The following EIF2D variants were observed in gnomAD, a reference collection of about 807,000 sequenced individuals.
EIF2D encodes the protein hepatocellular carcinoma-associated antigen 56.
Under a neutral mutation model 77.4 loss-of-function variants are expected in EIF2D, and 56 were observed. The ratio of observed to expected loss-of-function variants is 0.72; its 90% CI spans 0.58 to 0.90. EIF2D has a LOEUF of 0.90. EIF2D is among the 40% of genes least tolerant of loss of function. The probability of loss-of-function intolerance (pLI) is 0.00; values close to 1 mark genes in which losing one functional copy is unlikely to be tolerated. For synonymous variants in EIF2D, 230 were observed against 271.0 expected (o/e 0.85, Z 1.49); for missense variants, 574 against 706.5 (o/e 0.81, Z 2.13).
intron 4 of EIF2D, among the ~76,000 whole-genome samples, chr1:206,575,967 G>T (rs564978550): frequency 2.1e-4 from 32 of 152,326 alleles, no homozygotes; most frequent in Admixed American, 1.7e-3. Flanking sequence ...TCTGGCCTGA[G>T]ACTCCCCAGG....
chr1:206,583,482 C>T, intron 2 of EIF2D: 1 of 803,088 alleles, frequency 1.2e-6, no homozygotes, highest in Non-Finnish European at 2.1e-6. Flanking sequence ...CCTGGCAGGT[C>T]CCCTCCCTTT....
At chr1:206,610,370 G>A (rs1239888916) in intron 2 of EIF2D, among the ~76,000 whole-genome samples, 7 of 152,140 alleles carry the variant, frequency 4.6e-5, no homozygotes, top group Middle Eastern at 3.4e-3. Context: ...AATTTTAAAC[G>A]TAGCCAGACA....
chr1:206,608,176 C>A, intron 4 of EIF2D, 60 bp downstream of exon 4: 1 of 1,500,896 alleles, frequency 6.7e-7, no homozygotes, highest in Non-Finnish European at 9.2e-7. Context: ...TTGTCATTCC[C>A]CTCCAACTTC....
chr1:206,603,408 T>C, intron 5 of EIF2D: 1 of 584,718 alleles, frequency 1.7e-6, no homozygotes, highest in South Asian at 2.6e-5. Flanking sequence ...TTTCTTCATC[T>C]CTGAAATGGG....
chr1:206,602,606 G>A (rs373424923), intron 6 of EIF2D, 153 bp from the exon 7 acceptor site: 4 of 704,908 alleles, frequency 5.7e-6, no homozygotes, highest in Middle Eastern at 2.9e-4. Context: ...CTTGAGCACT[G>A]AGCCTTTAAA....
chr1:206,590,583 C>T (rs1203768076), downstream of EIF2D, among the ~76,000 whole-genome samples: 3 of 152,154 alleles, frequency 2.0e-5, no homozygotes, highest in African/African-American at 4.8e-5. Flanking sequence ...TTCATATGCT[C>T]ATGCCGGTAG....
intron 4 of EIF2D, among the ~76,000 whole-genome samples, chr1:206,580,407 T>C (rs1572364927): frequency 6.6e-6 from 1 of 152,200 alleles, no homozygotes; most frequent in South Asian, 2.1e-4. Context: ...TGAGGAGCAA[T>C]AGCCTACATG....
chr1:206,585,391 C>G (rs565715370), intron 2 of EIF2D: 1 of 856,652 alleles, frequency 1.2e-6, no homozygotes, highest in Non-Finnish European at 2.0e-6. Context: ...GTGGGAGCCA[C>G]GCAGCACGGG....
chr1:206,570,547 A>C, downstream of EIF2D, among the ~76,000 whole-genome samples: 1 of 147,896 alleles, frequency 6.8e-6, no homozygotes, highest in Non-Finnish European at 1.5e-5. Context: ...ATTAAACAGT[A>C]ACTCACTATT....
Position 206,575,046 on chromosome 1 carries a change from A to G in EIF2D, c.*255-2347T>C, listed in dbSNP as rs1293018431. Among the ~76,000 whole-genome samples the G allele has an allele frequency of 4.7e-5, 7 of 148,894 alleles. No homozygotes were observed. The East Asian group carries it at 1.4e-3, about 29-fold the overall frequency. On this transcript the variant is annotated intron_variant and NMD_transcript_variant, in intron 4 of 5. Transcript: ENST00000472709. Reference sequence around the variant, plus strand: ...TGTTTTTGTTTTTGTTTTTTTTTTTAGAAGAGACAGGGTTTCATTATGTTG... The same window carrying G: ...TGTTTTTGTTTTTGTTTTTTTTTTTGGAAGAGACAGGGTTTCATTATGTTG...
chr1:206,576,371 C>T (rs947101105), intron 4 of EIF2D, among the ~76,000 whole-genome samples: 5 of 152,206 alleles, frequency 3.3e-5, no homozygotes, highest in Non-Finnish European at 5.9e-5. Context: ...GTGAGCCTAG[C>T]TGTCTACCTC....
rs1179458030 is a variant in EIF2D, at chr1:206,592,211, T to C, written c.1685-366A>G. On this transcript the variant is annotated intron_variant, in intron 14 of 14. Transcript: ENST00000271764. The surrounding 1 kb of genome is among the most constrained non-coding windows in gnomAD (Gnocchi z 4.7). ...TACTGCCATAGGCCATGGAATACAT[T>C]TGCCTAAATGAGCACTTACTATCCG... Among the ~76,000 whole-genome samples, 1 of 152,218 alleles carries C rather than the reference T, an allele frequency of 6.6e-6. No individual in the cohort carries two copies. The highest frequency in any genetic ancestry group is 1.5e-5 in the Non-Finnish European group (1 of 68,038).
At chr1:206,578,030 C>G (rs2103561489) in intron 4 of EIF2D, among the ~76,000 whole-genome samples, 1 of 151,984 alleles carries the variant, frequency 6.6e-6, no homozygotes, top group East Asian at 1.9e-4. Flanking sequence ...TGAGACCAGC[C>G]TGGGCAACAT....
intron 2 of EIF2D, among the ~76,000 whole-genome samples, chr1:206,581,327 G>A (rs1553406271): frequency 1.3e-5 from 2 of 152,310 alleles, no homozygotes; most frequent in African/African-American, 2.4e-5. Flanking sequence ...GCTGGGTGCG[G>A]TGGCTCACAC....
rs144335994 is a variant in EIF2D, at chr1:206,583,299, C to T, written c.139-2137G>A. The T allele has an allele frequency of 7.7e-5, 124 of 1,613,466 alleles. No homozygotes were observed. The highest frequency in any genetic ancestry group is 3.5e-4 in the South Asian group (32 of 91,068). On this transcript the variant is annotated intron_variant and NMD_transcript_variant, in intron 2 of 5. Transcript: ENST00000472709. ...CTGTAAACCTGTGGAGGAGACACAG[C>T]GCCCGCCCACACTGCAGGAGATCAA...
In EIF2D at chr1:206,597,095, G is replaced by A. The variant is rs533906408; in HGVS notation, c.1388+5C>T. 53 of 1,612,952 alleles carry A rather than the reference G, an allele frequency of 3.3e-5. No individual in the cohort carries two copies. The highest frequency in any genetic ancestry group is 2.3e-4 in the African/African-American group (17 of 75,008). Reference sequence around the variant, plus strand: ...AGTTGGAGAGGGACTGCCAATGCTCGTTACCTGGTCAGAAGACTGTCCCAT... The same window carrying A: ...AGTTGGAGAGGGACTGCCAATGCTCATTACCTGGTCAGAAGACTGTCCCAT... On this transcript the variant is annotated splice_donor_5th_base_variant and intron_variant, in intron 12 of 14. Transcript: ENST00000271764.
intron 5 of EIF2D, 141 bp from the exon 6 acceptor site, chr1:206,603,345 C>T (rs1670025658): frequency 4.4e-6 from 5 of 1,147,552 alleles, no homozygotes; most frequent in South Asian, 1.6e-5. Context: ...GAGCCTGTGC[C>T]CTCATCTCAA....
At chr1:206,590,324 T>C (rs1281864771), downstream of EIF2D, among the ~76,000 whole-genome samples, 1 of 152,146 alleles carries the variant, frequency 6.6e-6, no homozygotes, top group Non-Finnish European at 1.5e-5. Context: ...CTTACTGGCT[T>C]TGTGTCTTCA....
At chr1:206,586,433 G>A (rs1439030561) in intron 2 of EIF2D, 1 of 186,082 alleles carries the variant, frequency 5.4e-6, no homozygotes, top group Non-Finnish European at 1.1e-5. Flanking sequence ...TGGGAGAGGT[G>A]GAGTCAGGCC....
Sources: allele counts gnomAD v4.1 joint callset (sites outside exome capture counted in the v4.1 genomes callset), GRCh38; gene constraint gnomAD v4.1.1; non-coding constraint Gnocchi (gnomAD v3.1); transcripts MANE v1.5; gene names NCBI Gene and HGNC (gene_info 2026-07-23, HGNC 2026-07-21).